ITM2B: variants seen among roughly 807,000 people sequenced by gnomAD.
ITM2B encodes integral membrane protein 2B.
Under a neutral mutation model 27.8 loss-of-function variants are expected in ITM2B, and 11 were observed. That is an observed-to-expected ratio of 0.40 (90% CI 0.25 to 0.66). ITM2B has a LOEUF of 0.66. Ranked by LOEUF, ITM2B falls within the 30% of genes least tolerant of loss-of-function variation. ITM2B has a pLI of 0.43. For synonymous variants in ITM2B, 114 were observed against 114.3 expected, an observed-to-expected ratio of 1.00 and a Z score of 0.02; for missense variants, 296 against 328.9, an observed-to-expected ratio of 0.90 and a Z score of 0.77.
At chr13:48,243,100 TAAG>T (rs1951708674) in intron 1 of ITM2B, among the ~76,000 whole-genome samples, 3 of 152,304 alleles carry the variant, frequency 2.0e-5, no homozygotes, top group Admixed American at 2.0e-4. Flanking sequence ...AGCATTAATT[TAAG>T]ATCAGACAGG....
At chr13:48,253,628 TA>T (rs1165300074) in intron 1 of ITM2B, among the ~76,000 whole-genome samples, 179 bp from the exon 2 acceptor site, 1 of 152,122 alleles carries the variant, frequency 6.6e-6, no homozygotes, top group South Asian at 2.1e-4. Context: ...CAAGAACCAT[TA>T]AGATGAGCCC....
At chr13:48,235,554 C>T (rs915819092) in intron 1 of ITM2B, among the ~76,000 whole-genome samples, 1 of 152,196 alleles carries the variant, frequency 6.6e-6, no homozygotes, top group African/African-American at 2.4e-5. Flanking sequence ...ATCAGTCAGT[C>T]GCTTAACGGG....
chr13:48,249,310 G>A (rs1284336654), intron 1 of ITM2B, among the ~76,000 whole-genome samples: 2 of 152,170 alleles, frequency 1.3e-5, no homozygotes, highest in Non-Finnish European at 2.9e-5. Flanking sequence ...TCCCGCTGGT[G>A]TGTGTTATTT....
chr13:48,248,301 T>A (rs902576906), intron 1 of ITM2B, among the ~76,000 whole-genome samples: 2 of 151,878 alleles, frequency 1.3e-5, no homozygotes, highest in Non-Finnish European at 2.9e-5. Context: ...TTTTTTTTTT[T>A]AATTTTTATT....
At chr13:48,237,263 C>T (rs756546625) in intron 1 of ITM2B, among the ~76,000 whole-genome samples, 5 of 152,104 alleles carry the variant, frequency 3.3e-5, no homozygotes, top group Admixed American at 1.3e-4. Flanking sequence ...TATGTAATTC[C>T]GTGTTTGCAG....
rs1951822859 is a variant in ITM2B, at chr13:48,261,507, A to T, written c.*283A>T. ...GAATTACAATTTCTTTAAATCATTT[A>T]TCTGGATTTTTATGTTTTATTAGCA... On this transcript the variant is annotated 3_prime_UTR_variant, in exon 6 of 6. Transcript: ENST00000647800. The T allele has an allele frequency of 7.8e-6, 2 of 255,190 alleles. No individual in the cohort carries two copies. The highest frequency in any genetic ancestry group is 1.5e-4 in the South Asian group (2 of 13,428). 15.8% of individuals were successfully genotyped at this position (255,190 alleles called of 1,614,324 possible). A position where few individuals can be genotyped will look rare whatever the true frequency, so the allele number is the denominator to read the frequency against.
chr13:48,258,257 T>G (rs1269812674), intron 4 of ITM2B, 21 bp downstream of exon 4: 1 of 1,171,616 alleles, frequency 8.5e-7, no homozygotes, highest in East Asian at 2.3e-5. Flanking sequence ...GTTGACTGTT[T>G]TTGATGAATG....
In ITM2B at chr13:48,262,462, C is replaced by T. The variant is rs1299820517; in HGVS notation, c.*1238C>T. On this transcript the variant is annotated 3_prime_UTR_variant, in exon 6 of 6. Transcript: ENST00000647800. ...TTACTCATGGCTTTTCATTTCATTT[C>T]AGTAATATTGTCAGAACTTTAAGTC... is the stretch of plus-strand genomic sequence containing the variant. 6 of 152,048 alleles carry T rather than the reference C, an allele frequency of 3.9e-5. No individual in the cohort carries two copies. Among genetic ancestry groups the T allele is most frequent in the Non-Finnish European group, 1.5e-5 (1 of 67,994 alleles). The allele number at this position is 152,048 out of a possible 1,614,324, so 9.4% of individuals were successfully genotyped here.
At chr13:48,255,260 C>T (rs1195903712) in intron 2 of ITM2B, among the ~76,000 whole-genome samples, 3 of 151,210 alleles carry the variant, frequency 2.0e-5, no homozygotes, top group Admixed American at 6.6e-5. Flanking sequence ...TGTGTGCGCG[C>T]GCGTGTGCGT....
At chr13:48,235,204 T>C (rs1951660700) in intron 1 of ITM2B, among the ~76,000 whole-genome samples, 3 of 152,326 alleles carry the variant, frequency 2.0e-5, no homozygotes, top group Admixed American at 2.0e-4. Context: ...TAAATCTGAC[T>C]TCTGACAATT....
At chr13:48,252,603 G>T (rs1951761637) in intron 1 of ITM2B, among the ~76,000 whole-genome samples, 1 of 152,178 alleles carries the variant, frequency 6.6e-6, no homozygotes, top group African/African-American at 2.4e-5. Flanking sequence ...CACAAAACTG[G>T]TCCCTGGTGC....
intron 5 of ITM2B, among the ~76,000 whole-genome samples, chr13:48,260,777 T>G (rs1466783359): frequency 6.6e-6 from 1 of 152,196 alleles, no homozygotes; most frequent in African/African-American, 2.4e-5. Context: ...AAGTCAGCCT[T>G]ACACGTGCCA....
chr13:48,237,350 C>T (rs1332718216), intron 1 of ITM2B, among the ~76,000 whole-genome samples: 1 of 152,182 alleles, frequency 6.6e-6, no homozygotes, highest in Non-Finnish European at 1.5e-5. Context: ...GGGTTTAGTG[C>T]TGGGAAATAA....
chr13:48,268,196 A>G lies in ITM2B; in HGVS notation c.*6972A>G, dbSNP rs1160158961. ...TTAAAACTCAGTATAACGTTTTGAC[A>G]TTTGTCCATGTTGTTGCATGACTCA... On this transcript the variant is annotated 3_prime_UTR_variant, in exon 6 of 6. Coordinates refer to ENST00000647800, the MANE Select transcript of ITM2B (RefSeq NM_021999.5). The G allele has an allele frequency of 1.3e-5, 2 of 151,896 alleles. No homozygotes were observed. The highest frequency in any genetic ancestry group is 2.9e-5 in the Non-Finnish European group (2 of 67,948). The allele number at this position is 151,896 out of a possible 1,614,324, so 9.4% of individuals were successfully genotyped here.
At chr13:48,253,684 C>T (rs1951767512) in intron 1 of ITM2B, 124 bp from the exon 2 acceptor site, 1 of 987,664 alleles carries the variant, frequency 1.0e-6, no homozygotes, top group Non-Finnish European at 1.6e-6. Context: ...TGATGAGAGA[C>T]ACAACTCCTT....
At chr13:48,244,831 G>GT (rs1951716194) in intron 1 of ITM2B, among the ~76,000 whole-genome samples, 1 of 152,128 alleles carries the variant, frequency 6.6e-6, no homozygotes, top group Admixed American at 6.5e-5. Flanking sequence ...ACAATGTGGA[G>GT]TTTCATTCAG....
intron 1 of ITM2B, among the ~76,000 whole-genome samples, chr13:48,238,886 T>G (rs1951683918): frequency 6.6e-6 from 1 of 152,216 alleles, no homozygotes; most frequent in South Asian, 2.1e-4. Context: ...TGGTACTGCA[T>G]AGGCAGAGCA....
rs1951856252 is a variant in ITM2B at position 48,266,880 on chromosome 13, A to G, written c.*5656A>G. The G allele has an allele frequency of 6.6e-6, 1 of 152,246 alleles. No homozygotes were observed. The highest frequency in any genetic ancestry group is 6.5e-5 in the Admixed American group (1 of 15,274). The allele number at this position is 152,246 out of a possible 1,614,324, so 9.4% of individuals were successfully genotyped here. A position where few individuals can be genotyped will look rare whatever the true frequency, so the allele number is the denominator to read the frequency against. On this transcript the variant is annotated 3_prime_UTR_variant, in exon 6 of 6. Transcript: ENST00000647800. Reference sequence around the variant, plus strand: ...TCAAGCCAAGATTATGTCTTCTTCCATAATGCCACCTTCTTCTAGGATAGT... The same window carrying G: ...TCAAGCCAAGATTATGTCTTCTTCCGTAATGCCACCTTCTTCTAGGATAGT...
intron 1 of ITM2B, among the ~76,000 whole-genome samples, chr13:48,247,711 TAA>T (rs936276004): frequency 1.3e-5 from 2 of 152,348 alleles, no homozygotes; most frequent in African/African-American, 4.8e-5. Context: ...TCATTTTGTT[TAA>T]GATATAACTT....
Sources: gnomAD v4.1 joint callset for allele counts (sites outside exome capture counted in the v4.1 genomes callset) on GRCh38, gnomAD v4.1.1 for gene constraint, MANE v1.5 for transcripts, NCBI Gene and HGNC (gene_info 2026-07-23, HGNC 2026-07-21) for gene names.